The following CNOT11 variants were observed in gnomAD, a reference collection of about 807,000 sequenced individuals.
CNOT11 encodes the protein UPF0760 protein C2orf29.
CNOT11 carries 18 observed loss-of-function variants against 44.6 expected under a neutral mutation model. The observed-to-expected ratio is 0.40, with a 90% CI of 0.28 to 0.60. The LOEUF (loss-of-function observed/expected upper bound fraction) is 0.60. CNOT11 is among the 20% of genes least tolerant of loss of function. CNOT11 has a pLI of 0.38. For synonymous variants in CNOT11, 291 were observed against 270.9 expected, an observed-to-expected ratio of 1.07 and a Z score of -0.73; for missense variants, 513 against 677.0, an observed-to-expected ratio of 0.76 and a Z score of 2.69.
chr2:101,266,184 C>A (rs1681977363), intron 4 of CNOT11, among the ~76,000 whole-genome samples: 1 of 152,218 alleles, frequency 6.6e-6, no homozygotes, highest in Admixed American at 6.5e-5. Context: ...TGATGACTCG[C>A]AGCAGGTCAG....
At chr2:101,256,461 C>T (rs1052116183) in intron 1 of CNOT11, among the ~76,000 whole-genome samples, 6 of 152,032 alleles carry the variant, frequency 3.9e-5, no homozygotes, top group African/African-American at 1.4e-4. Context: ...GTGGGGACTA[C>T]ATCTGAGGGA....
At chr2:101,265,303 T>C (rs1021571945) in intron 4 of CNOT11, among the ~76,000 whole-genome samples, 1 of 152,150 alleles carries the variant, frequency 6.6e-6, no homozygotes, top group Admixed American at 6.5e-5. Flanking sequence ...TTTGCCATTG[T>C]TGGCCAGGCT....
rs529290190 is a variant in CNOT11, at chr2:101,253,138, G to A, written c.174G>A (p.Ala58=). The part of the protein sequence containing the change: ...GSGSGGPGGP[A]GRMSLTPKEL... Reference sequence around the variant, plus strand: ...GGAGCGGAGGCCCGGGGGGCCCCGCGGGCAGGATGAGCTTGACCCCGAAGG... The same window carrying A: ...GGAGCGGAGGCCCGGGGGGCCCCGCAGGCAGGATGAGCTTGACCCCGAAGG... The change falls in exon 1 of 7, where the codon GCG becomes GCA. Residue 58 remains alanine, a synonymous_variant. Coordinates refer to ENST00000289382, the MANE Select transcript of CNOT11 (RefSeq NM_017546.5). The surrounding 1 kb of genome is among the most constrained non-coding windows in gnomAD (Gnocchi z 4.3). 3.7e-5 allele frequency: 58 copies of A among 1,555,042 alleles called. No individual in the cohort carries two copies. Among genetic ancestry groups the A allele is most frequent in the Non-Finnish European group, 4.9e-5 (57 of 1,157,716 alleles).
chr2:101,261,042 T>C (rs914859917), intron 2 of CNOT11, among the ~76,000 whole-genome samples: 8 of 152,220 alleles, frequency 5.3e-5, no homozygotes, highest in African/African-American at 1.9e-4. Flanking sequence ...TGTATAGTTC[T>C]TTAATCAGGA....
intron 4 of CNOT11, 55 bp from the exon 5 acceptor site, chr2:101,266,622 A>T: frequency 7.3e-7 from 1 of 1,370,738 alleles, no homozygotes; most frequent in South Asian, 1.2e-5. Context: ...AAAAAAATTG[A>T]CTCAACACCC....
intron 2 of CNOT11, among the ~76,000 whole-genome samples, chr2:101,261,976 A>G (rs1681874819): frequency 6.6e-6 from 1 of 150,766 alleles, no homozygotes; most frequent in South Asian, 2.1e-4. Context: ...CCTCTCGAGT[A>G]GCTGGGACTA....
intron 1 of CNOT11, 102 bp from the exon 2 acceptor site, chr2:101,257,689 T>A (rs1162730341): frequency 1.2e-6 from 1 of 861,380 alleles, no homozygotes; most frequent in Non-Finnish European, 1.8e-6. Context: ...TTCTTAAAAC[T>A]ATGTGGCTTG....
rs1392811389 is a variant in CNOT11, at chr2:101,253,441, C to G, written c.477C>G (p.Ala159=). ...FAHLLNPAPP[A]RGGQEPDRPP... The stretch of plus-strand genomic sequence containing the variant: ...ACCTGCTCAACCCCGCGCCGCCCGC[C>G]CGCGGCGGCCAGGAACCCGACCGCC... The change falls in exon 1 of 7, where the codon GCC becomes GCG. Residue 159 remains alanine, a synonymous_variant. Coordinates refer to ENST00000289382, the MANE Select transcript of CNOT11 (RefSeq NM_017546.5). The surrounding 1 kb of genome is among the most constrained non-coding windows in gnomAD (Gnocchi z 4.3). 1.0e-5 allele frequency: 16 copies of G among 1,525,942 alleles called. No homozygotes were observed. The highest frequency in any genetic ancestry group is 1.3e-5 in the Non-Finnish European group (15 of 1,148,554). 94.5% of individuals were successfully genotyped at this position (1,525,942 alleles called of 1,614,324 possible).
At chr2:101,259,349 T>C (rs534907740) in intron 2 of CNOT11, among the ~76,000 whole-genome samples, 5 of 152,326 alleles carry the variant, frequency 3.3e-5, no homozygotes, top group Admixed American at 3.3e-4. Context: ...TCGTTCAGGA[T>C]TGTTCTGGCA....
rs576562599 is a variant in CNOT11 at position 101,266,487 on chromosome 2, A to G, written c.1036-190A>G. Among the ~76,000 whole-genome samples, 24 of 152,366 alleles carry G rather than the reference A, an allele frequency of 1.6e-4. No individual in the cohort carries two copies. In the South Asian group the frequency reaches 4.8e-3, roughly 30 times the overall value. On this transcript the variant is annotated intron_variant, in intron 4 of 6. Transcript: ENST00000289382. ...ATGTGTTTGCATTTTAGTTTGTTCA[A>G]AATTAAAATGTAAATTTAGAAATGT...
At chr2:101,257,115 G>A (rs957014738) in intron 1 of CNOT11, among the ~76,000 whole-genome samples, 9 of 151,380 alleles carry the variant, frequency 5.9e-5, no homozygotes, top group Admixed American at 5.9e-4. Context: ...ACACCAGGCG[G>A]GGCACGGTGA....
chr2:101,262,440 C>T, intron 2 of CNOT11, 99 bp from the exon 3 acceptor site: 2 of 1,063,896 alleles, frequency 1.9e-6, no homozygotes, highest in Middle Eastern at 2.1e-4. Flanking sequence ...GAATCTGGCC[C>T]TTTGTTTTTC....
rs1447726382 is a variant in CNOT11, at chr2:101,253,073, T to G, written c.109T>G (p.Ser37Ala). 2.0e-5 allele frequency: 31 copies of G among 1,516,282 alleles called. No homozygotes were observed. The East Asian group carries it at 7.5e-4, about 37-fold the overall frequency. The allele number at this position is 1,516,282 out of a possible 1,614,324, so 93.9% of individuals were successfully genotyped here. ...GSASRSGFGGSGGGRGGASGP... is the reference protein window; with the variant it reads ...GSASRSGFGGAGGGRGGASGP... ...GGCGTCCAGGAGCGGCTTCGGGGGCTCCGGCGGCGGCAGAGGCGGAGCAAG... is the reference window on the plus strand; with the variant it reads ...GGCGTCCAGGAGCGGCTTCGGGGGCGCCGGCGGCGGCAGAGGCGGAGCAAG... The change falls in exon 1 of 7, where the codon TCC becomes GCC. Residue 37 changes from serine (S) to alanine (A), a missense_variant. By Grantham distance (99) the Ser-to-Ala change is moderately conservative. Around this residue, in one of 4 missense-constraint regions of CNOT11, gnomAD observed 259 missense variants for 265.7 expected, o/e 0.97. Coordinates refer to ENST00000289382, the MANE Select transcript of CNOT11 (RefSeq NM_017546.5). The surrounding 1 kb of genome is among the most constrained non-coding windows in gnomAD (Gnocchi z 4.3).
chr2:101,269,405 T>G lies in CNOT11; in HGVS notation c.1525T>G (p.Ser509Ala), dbSNP rs749281273. The change falls in exon 7 of 7, where the codon TCA becomes GCA. Residue 509 changes from serine (S) to alanine (A), a missense_variant. Transcript: ENST00000289382. This position sits in a 1 kb window ranked among gnomAD's most constrained non-coding sequence, Gnocchi z 4.8. ...GGAAACACCTTCTGAGACCAAAATG[T>G]CAAAATAATACCTCATCAGAACCAT... is the stretch of plus-strand genomic sequence containing the variant. ...TGETPSETKM[S>A]K 1 of 1,613,886 alleles carries G rather than the reference T, an allele frequency of 6.2e-7. No homozygotes were observed. The highest frequency in any genetic ancestry group is 1.1e-5 in the South Asian group (1 of 91,082).
intron 5 of CNOT11, among the ~76,000 whole-genome samples, chr2:101,267,782 G>A (rs182597681): frequency 6.6e-6 from 1 of 152,188 alleles, no homozygotes; most frequent in Non-Finnish European, 1.5e-5. Flanking sequence ...CAGAGGTTCA[G>A]GTGTGCCTGA....
chr2:101,253,842 T>C lies in CNOT11; in HGVS notation c.514+364T>C, dbSNP rs1170673888. ...ATGATAAGACTGGATCTGTCCCCGG[T>C]TTTTAGTCTCAAAGGAGTACGTGGA... On this transcript the variant is annotated intron_variant, in intron 1 of 6. Coordinates refer to ENST00000289382, the MANE Select transcript of CNOT11 (RefSeq NM_017546.5). This position sits in a 1 kb window ranked among gnomAD's most constrained non-coding sequence, Gnocchi z 4.3. Among the ~76,000 whole-genome samples the C allele has an allele frequency of 2.0e-5, 3 of 152,154 alleles. No homozygotes were observed. The highest frequency in any genetic ancestry group is 7.2e-5 in the African/African-American group (3 of 41,434).
Position 101,257,928 on chromosome 2 carries a change from A to G in CNOT11, c.652A>G (p.Ile218Val). Reference sequence around the variant, plus strand: ...TGGAAACATGGGCCAGTCTGTGGACATTAGTGGGCTTCAGTTAGCCTTGGC... The same window carrying G: ...TGGAAACATGGGCCAGTCTGTGGACGTTAGTGGGCTTCAGTTAGCCTTGGC... The part of the protein sequence containing the change: ...DVGNMGQSVD[I>V]SGLQLALAER... Residue 218 changes from isoleucine to valine, a missense_variant, in exon 2 of 7, where the codon ATT (isoleucine) becomes GTT (valine). Physicochemically the swap from Ile to Val is conservative, Grantham distance 29. This residue lies in a region of CNOT11 where 27 missense variants were observed against 56.1 expected (regional missense o/e 0.48). Transcript: ENST00000289382. 1.2e-6 allele frequency: 2 copies of G among 1,613,650 alleles called. No homozygotes were observed. Among genetic ancestry groups the G allele is most frequent in the South Asian group, 1.1e-5 (1 of 90,944 alleles).
chr2:101,260,381 G>A (rs181586712), intron 2 of CNOT11, among the ~76,000 whole-genome samples: 152 of 152,182 alleles, frequency 1.0e-3, no homozygotes, highest in African/African-American at 3.6e-3. Context: ...TTGAGTAGCC[G>A]TAAGAAAGTT....
chr2:101,265,589 C>T (rs944776141), intron 4 of CNOT11, among the ~76,000 whole-genome samples: 11 of 152,084 alleles, frequency 7.2e-5, no homozygotes, highest in African/African-American at 2.7e-4. Context: ...AATGTTCTAA[C>T]TTTTCTTTGT....
Sources: gnomAD v4.1 joint callset for allele counts (sites outside exome capture counted in the v4.1 genomes callset) on GRCh38, gnomAD v4.1.1 for gene constraint, gnomAD v4.1.1 regional missense constraint, Gnocchi (gnomAD v3.1) non-coding constraint, MANE v1.5 for transcripts, NCBI Gene and HGNC (gene_info 2026-07-23, HGNC 2026-07-21) for gene names.